The following MAP4K4 variants were observed in gnomAD, a reference collection of about 807,000 sequenced individuals.
MAP4K4 encodes the protein mitogen-activated protein kinase kinase kinase kinase 4.
Under a neutral mutation model 189.6 loss-of-function variants are expected in MAP4K4, and 38 were observed. The ratio of observed to expected loss-of-function variants is 0.20; its 90% CI spans 0.15 to 0.26. The LOEUF (loss-of-function observed/expected upper bound fraction) is 0.26. Among genes scored for constraint, MAP4K4 ranks in the 10% least tolerant of loss-of-function variants. MAP4K4 has a pLI of 1.00. For synonymous variants in MAP4K4, 610 were observed against 624.3 expected, an observed-to-expected ratio of 0.98 and a Z score of 0.34; for missense variants, 1,054 against 1,726.9, an observed-to-expected ratio of 0.61 and a Z score of 6.91.
intron 2 of MAP4K4, among the ~76,000 whole-genome samples, chr2:101,748,763 T>C (rs1333335547): frequency 6.6e-6 from 1 of 151,836 alleles, no homozygotes; most frequent in Non-Finnish European, 1.5e-5. Context: ...GAAAACCCCG[T>C]TGTCTCAGCC....
At chr2:101,746,185 G>C (rs1403629326) in intron 2 of MAP4K4, among the ~76,000 whole-genome samples, 1 of 151,358 alleles carries the variant, frequency 6.6e-6, no homozygotes, top group Non-Finnish European at 1.5e-5. Context: ...ACACGCTCTT[G>C]TTGTGTTGCC....
At chr2:101,774,510 T>C (rs563341491) in intron 2 of MAP4K4, among the ~76,000 whole-genome samples, 3 of 152,330 alleles carry the variant, frequency 2.0e-5, no homozygotes, top group African/African-American at 7.2e-5. Flanking sequence ...ATTCTGTGGG[T>C]TGTCTCTTCA....
intron 23 of MAP4K4, chr2:101,870,678 A>G (rs1027896355): frequency 2.6e-6 from 1 of 387,140 alleles, no homozygotes; most frequent in Non-Finnish European, 4.8e-6. Context: ...TGAGTCTCAC[A>G]GTCTATGTCT....
chr2:101,869,820 A>G, intron 22 of MAP4K4, 23 bp downstream of exon 22: 1 of 1,502,964 alleles, frequency 6.7e-7, no homozygotes, highest in Non-Finnish European at 8.9e-7. Context: ...TCTCTTTTAG[A>G]GCGGATGAGA....
At chr2:101,756,100 C>A (rs1295318434) in intron 2 of MAP4K4, among the ~76,000 whole-genome samples, 1 of 151,988 alleles carries the variant, frequency 6.6e-6, no homozygotes, top group Non-Finnish European at 1.5e-5. Flanking sequence ...GCCACCACGT[C>A]TGGCTAATTT....
In MAP4K4 at chr2:101,859,639, C is replaced by G; in HGVS notation, c.1483-4C>G. 1 of 1,597,976 alleles carries G rather than the reference C, an allele frequency of 6.3e-7. No homozygotes were observed. Among genetic ancestry groups the G allele is most frequent in the Non-Finnish European group, 8.5e-7 (1 of 1,171,200 alleles). On this transcript the variant is annotated splice_polypyrimidine_tract_variant and splice_region_variant and intron_variant, in intron 14 of 32. Transcript: ENST00000324219. ...GATTTAGTGTTATCCTCTCCCTCTC[C>G]AAGGAGTGCCGATGGCGGGAGATGG... is the stretch of plus-strand genomic sequence containing the variant.
chr2:101,716,523 A>G lies in MAP4K4; in HGVS notation c.123+17985A>G, dbSNP rs202205120. On this transcript the variant is annotated intron_variant, in intron 2 of 32. Coordinates refer to ENST00000324219, the Ensembl canonical transcript of MAP4K4. ...GATAAAGGATGGCAAAAAAAAAAAA[A>G]GATACAGTTCGTGTTTTCATGGGGT... Among the ~76,000 whole-genome samples, 175 of 151,080 alleles carry G rather than the reference A, an allele frequency of 1.2e-3. 2 individuals are homozygous for G. In the East Asian group the frequency reaches 0.032, roughly 28 times the overall value.
At chr2:101,743,967 C>T (rs1452457931) in intron 2 of MAP4K4, among the ~76,000 whole-genome samples, 2 of 152,112 alleles carry the variant, frequency 1.3e-5, no homozygotes, top group East Asian at 3.9e-4. Context: ...CCAGATAATA[C>T]TTTCAAGAAG....
rs534441332 is a variant in MAP4K4, at chr2:101,873,743, G to A, written c.3049G>A (p.Gly1017Arg). 3.7e-6 allele frequency: 6 copies of A among 1,607,452 alleles called. No individual in the cohort carries two copies. The highest frequency in any genetic ancestry group is 4.5e-5 in the East Asian group (2 of 44,826). The change falls in exon 25 of 33, where the codon GGA becomes AGA. Residue 1017 changes from glycine to arginine, a missense_variant. By Grantham distance (125) the Gly-to-Arg change is moderately radical. This residue lies in a region of MAP4K4 where 646 missense variants were observed against 796.2 expected (regional missense o/e 0.81). Coordinates refer to ENST00000324219, the Ensembl canonical transcript of MAP4K4. Reference sequence around the variant, plus strand: ...ATTACTACAGATTTCTCCATCTAGCGGAACAACAGTGACATCTGTGGGTAA... The same window carrying A: ...ATTACTACAGATTTCTCCATCTAGCAGAACAACAGTGACATCTGTGGGTAA...
chr2:101,785,532 G>A (rs1016932905), intron 2 of MAP4K4, among the ~76,000 whole-genome samples: 5 of 152,246 alleles, frequency 3.3e-5, no homozygotes, highest in Admixed American at 3.3e-4. Flanking sequence ...GCCTCTCAAC[G>A]AATATATTTA....
chr2:101,870,457 G>C (rs2097954460), intron 23 of MAP4K4, 42 bp downstream of exon 23: 1 of 1,609,232 alleles, frequency 6.2e-7, no homozygotes, highest in African/African-American at 1.3e-5. Context: ...AGCTTCTCCT[G>C]TGGTCATTAA....
chr2:101,751,840 C>T (rs189154487), intron 2 of MAP4K4, among the ~76,000 whole-genome samples: 29 of 152,300 alleles, frequency 1.9e-4, no homozygotes, highest in Admixed American at 1.2e-3. Flanking sequence ...GACAGTGTGT[C>T]CCATTTACGT....
In MAP4K4 at chr2:101,887,615, T is replaced by G. The variant is rs994304845; in HGVS notation, c.3772-163T>G. On this transcript the variant is annotated intron_variant, in intron 30 of 32. Transcript: ENST00000324219. ...GTATATTACTGGGAAAAAGCAGAGT[T>G]GGGGATATATATTGCATGACTATTC... 9.2e-5 allele frequency among the ~76,000 whole-genome samples: 14 copies of G among 152,302 alleles called. No individual in the cohort carries two copies. In the East Asian group the frequency reaches 2.7e-3, roughly 29 times the overall value.
exon 2 of MAP4K4, chr2:101,698,535 T>C: frequency 6.2e-7 from 1 of 1,613,760 alleles, no homozygotes; most frequent in Non-Finnish European, 8.5e-7. Flanking sequence ...GACAAGTCTA[T>C]AAGGTCGGTG....
chr2:101,867,242 A>G, exon 20 of MAP4K4: 3 of 1,605,980 alleles, frequency 1.9e-6, no homozygotes, highest in South Asian at 2.2e-5. Flanking sequence ...TCTCCATCTC[A>G]GCGCCTGGAA....
intron 2 of MAP4K4, among the ~76,000 whole-genome samples, chr2:101,741,164 ATTT>A (rs11341237): frequency 9.9e-5 from 11 of 111,376 alleles, no homozygotes; most frequent in Admixed American, 9.2e-5. Flanking sequence ...GGTAGTAGGT[ATTT>A]TTTTTTTTTT....
chr2:101,889,595 G>C (rs2098536627), intron 32 of MAP4K4, among the ~76,000 whole-genome samples: 1 of 152,094 alleles, frequency 6.6e-6, no homozygotes, highest in Non-Finnish European at 1.5e-5. Flanking sequence ...ATCCCTGTTT[G>C]CCAAGGGAGA....
At chr2:101,795,030 G>T (rs1407344002) in intron 3 of MAP4K4, among the ~76,000 whole-genome samples, 1 of 152,094 alleles carries the variant, frequency 6.6e-6, no homozygotes, top group African/African-American at 2.4e-5. Context: ...GTGGTATTGG[G>T]TACTTCATAT....
At chr2:101,810,656 A>G (rs956084186) in intron 3 of MAP4K4, among the ~76,000 whole-genome samples, 9 of 152,190 alleles carry the variant, frequency 5.9e-5, no homozygotes, top group African/African-American at 1.9e-4. Context: ...GCCCCAAATT[A>G]ACCCACTATT....
Sources: gnomAD v4.1 joint callset for allele counts (sites outside exome capture counted in the v4.1 genomes callset) on GRCh38, gnomAD v4.1.1 for gene constraint, gnomAD v4.1.1 regional missense constraint, MANE v1.5 for transcripts, NCBI Gene and HGNC (gene_info 2026-07-23, HGNC 2026-07-21) for gene names.